Variants in MYO3B observed in about 807,000 individuals in gnomAD.
MYO3B encodes myosin-IIIb.
MYO3B carries 156 observed loss-of-function variants against 174.6 expected under a neutral mutation model. The observed-to-expected ratio is 0.89, with a 90% CI of 0.78 to 1.02. The LOEUF (loss-of-function observed/expected upper bound fraction) is 1.02, where lower values mean the gene tolerates loss of function less well. Among genes scored for constraint, MYO3B ranks in the 50% least tolerant of loss-of-function variants. The probability of loss-of-function intolerance (pLI) is 0.00; values close to 1 mark genes in which losing one functional copy is unlikely to be tolerated. For synonymous variants in MYO3B, 563 were observed against 569.1 expected, an observed-to-expected ratio of 0.99 and a Z score of 0.15; for missense variants, 1,632 against 1,639.4, an observed-to-expected ratio of 1.00 and a Z score of 0.08.
At chr2:170,501,754 T>A in intron 27 of MYO3B, 31 bp from the exon 28 acceptor site, 2 of 1,467,742 alleles carry the variant, frequency 1.4e-6, no homozygotes, top group South Asian at 2.3e-5. Context: ...TAAATTAATG[T>A]CATTCCTAGC....
intron 1 of MYO3B, among the ~76,000 whole-genome samples, chr2:170,178,548 CCACACACA>C (rs3066877): frequency 9.9e-5 from 15 of 151,150 alleles, no homozygotes; most frequent in East Asian, 3.9e-4. Flanking sequence ...CAGACACACA[CCACACACA>C]CACACACACA....
rs75665757 is a variant in MYO3B, at chr2:170,391,201, C to G, written c.1578-319C>G. On this transcript the variant is annotated intron_variant, in intron 14 of 34. Transcript: ENST00000408978. ...AAGCTGGACCTCACTGTCTCTGAAG[C>G]AACATGTGGTACAAGCAGAAGGTAG... is the stretch of plus-strand genomic sequence containing the variant. Among the ~76,000 whole-genome samples, 668 of 152,124 alleles carry G rather than the reference C, an allele frequency of 4.4e-3. 3 individuals carry two copies. Among genetic ancestry groups the G allele is most frequent in the African/African-American group, 0.016 (644 of 41,484 alleles).
chr2:170,544,313 C>G (rs546771901), intron 32 of MYO3B, among the ~76,000 whole-genome samples: 1 of 152,154 alleles, frequency 6.6e-6, no homozygotes. Flanking sequence ...CACGCAGGGT[C>G]GAAATCTAGG....
chr2:170,407,232 C>T (rs1438651847), intron 21 of MYO3B, among the ~76,000 whole-genome samples: 2 of 152,036 alleles, frequency 1.3e-5, no homozygotes, highest in Non-Finnish European at 2.9e-5. Context: ...GAGGCCGAGG[C>T]GGGTGGATCA....
At chr2:170,337,632 C>G (rs183008066) in intron 8 of MYO3B, among the ~76,000 whole-genome samples, 1 of 152,184 alleles carries the variant, frequency 6.6e-6, no homozygotes, top group African/African-American at 2.4e-5. Flanking sequence ...GACTACCCCC[C>G]ACCTTATGAA....
chr2:170,391,379 G>T (rs1376057845), intron 14 of MYO3B, 141 bp from the exon 15 acceptor site: 2 of 536,756 alleles, frequency 3.7e-6, no homozygotes, highest in Non-Finnish European at 6.6e-6. Flanking sequence ...TCACTATTCT[G>T]TAAGTGGGAT....
chr2:170,338,560 A>G (rs2093959498), intron 8 of MYO3B, among the ~76,000 whole-genome samples: 1 of 152,130 alleles, frequency 6.6e-6, no homozygotes, highest in South Asian at 2.1e-4. Flanking sequence ...ATATATCTTT[A>G]AATAGAAGCC....
intron 7 of MYO3B, among the ~76,000 whole-genome samples, chr2:170,263,533 G>T (rs2105354710): frequency 6.6e-6 from 1 of 152,276 alleles, no homozygotes; most frequent in African/African-American, 2.4e-5. Context: ...GAGAGGGTCA[G>T]CAGGAAAACA....
rs10675765 is a variant in MYO3B, at chr2:170,357,339, T to TTATA, written c.816-11873_816-11870dup. 5.8e-3 allele frequency among the ~76,000 whole-genome samples: 845 copies of TTATA among 145,394 alleles called. 11 individuals are homozygous for TTATA. Among genetic ancestry groups the TTATA allele is most frequent in the Non-Finnish European group, 8.4e-3 (560 of 66,756 alleles). ...TAAAAATAAAAATAAATAATATATA[T>TTATA]TATATATATATATTTTATATATTAT... On this transcript the variant is annotated intron_variant, in intron 8 of 34. Transcript: ENST00000408978.
intron 7 of MYO3B, among the ~76,000 whole-genome samples, chr2:170,300,068 A>G (rs2093655789): frequency 6.6e-6 from 1 of 152,178 alleles, no homozygotes; most frequent in South Asian, 2.1e-4. Context: ...TTTGATCCTC[A>G]CACCCGCTCT....
rs1377975121 is a variant in MYO3B, at chr2:170,236,057, A to G, written c.670A>G (p.Ile224Val). 1.2e-6 allele frequency: 2 copies of G among 1,613,962 alleles called. No homozygotes were observed. Among genetic ancestry groups the G allele is most frequent in the Non-Finnish European group, 1.7e-6 (2 of 1,179,986 alleles). The change falls in exon 7 of 35, where the codon ATC becomes GTC. Residue 224 changes from isoleucine (I) to valine (V), a missense_variant. Physicochemically the swap from Ile to Val is conservative, Grantham distance 29. Coordinates refer to ENST00000408978, the MANE Select transcript of MYO3B (RefSeq NM_138995.5). ...DARCDVWSLGITAIELGDGDP... is the reference protein window; with the variant it reads ...DARCDVWSLGVTAIELGDGDP... The stretch of plus-strand genomic sequence containing the variant: ...TCGCTGTGACGTCTGGTCCTTGGGG[A>G]TCACAGCTATTGAACTGGGGGATGG...
intron 32 of MYO3B, among the ~76,000 whole-genome samples, chr2:170,555,874 A>AAATAAG (rs1691251533): frequency 6.7e-6 from 1 of 149,712 alleles, no homozygotes; most frequent in Non-Finnish European, 1.5e-5. Context: ...CCTATCTCTA[A>AAATAAG]AATAATAATA....
At chr2:170,540,835 A>G (rs1431834675) in intron 30 of MYO3B, among the ~76,000 whole-genome samples, 5 of 152,212 alleles carry the variant, frequency 3.3e-5, no homozygotes, top group Non-Finnish European at 7.3e-5. Flanking sequence ...TTGTTAAAAT[A>G]ATGTCTAGAA....
intron 32 of MYO3B, among the ~76,000 whole-genome samples, chr2:170,649,336 T>TTATATATAAAATAATATAA (rs1698794904): frequency 2.1e-5 from 2 of 93,026 alleles, no homozygotes; most frequent in Non-Finnish European, 3.8e-5. Context: ...ATAATATATA[T>TTATATATAAAATAATATAA]TATATATAAA....
At position 170,649,195 on chromosome 2, in the gene MYO3B, TTATATATAAAATAATATATAA is replaced by T. The variant is rs1256247443; in HGVS notation, c.3734-2427_3734-2407del. Among the ~76,000 whole-genome samples the T allele has an allele frequency of 2.1e-3, 68 of 33,044 alleles. 10 individuals are homozygous for T. The highest frequency in any genetic ancestry group is 0.011 in the African/African-American group (65 of 5,712). The allele number at this position is 33,044 out of a possible 152,430, so 21.7% of individuals were successfully genotyped here. A position where few individuals can be genotyped will look rare whatever the true frequency, so the allele number is the denominator to read the frequency against. On this transcript the variant is annotated intron_variant, in intron 32 of 34. Transcript: ENST00000408978. ...TATATTATATATAAAATAATATATA[TTATATATAAAATAATATATAA>T]TATATTATATATAAAATAATATATA...
chr2:170,502,373 C>G (rs1687330471), intron 28 of MYO3B, among the ~76,000 whole-genome samples: 1 of 152,224 alleles, frequency 6.6e-6, no homozygotes, highest in Non-Finnish European at 1.5e-5. Flanking sequence ...TTCTTAGCAT[C>G]ACAGAGGAGG....
At position 170,483,800 on chromosome 2, in the gene MYO3B, T is replaced by C. The variant is rs556632054; in HGVS notation, c.3015-14792T>C. ...TCCTGGCATGGGGATGGCAAATACA[T>C]GGGTATGAGCACAGCTTCACTCTTC... On this transcript the variant is annotated intron_variant, in intron 25 of 34. Coordinates refer to ENST00000408978, the MANE Select transcript of MYO3B (RefSeq NM_138995.5). Among the ~76,000 whole-genome samples, 211 of 152,226 alleles carry C rather than the reference T, an allele frequency of 1.4e-3. 1 individual carries two copies. The highest frequency in any genetic ancestry group is 2.7e-3 in the Non-Finnish European group (184 of 67,990).
intron 25 of MYO3B, 143 bp from the exon 26 acceptor site, chr2:170,498,449 C>T (rs1031617819): frequency 1.9e-5 from 11 of 580,378 alleles, no homozygotes; most frequent in Non-Finnish European, 3.1e-5. Flanking sequence ...AATTTTGTAT[C>T]TTTTACTACC....
At chr2:170,345,183 C>T (rs2094007313) in intron 8 of MYO3B, 1 of 152,122 alleles carries the variant, frequency 6.6e-6, no homozygotes, top group East Asian at 1.9e-4. Flanking sequence ...CTCATGTCAC[C>T]AGTACTACAT....
Sources: gnomAD v4.1 joint callset for allele counts (sites outside exome capture counted in the v4.1 genomes callset) on GRCh38, gnomAD v4.1.1 for gene constraint, MANE v1.5 for transcripts, NCBI Gene and HGNC (gene_info 2026-07-23, HGNC 2026-07-21) for gene names.